Variants in FZD9 observed in about 807,000 individuals in gnomAD.
The protein encoded by FZD9 is frizzled-9.
Under a neutral mutation model 29.9 loss-of-function variants are expected in FZD9, and 29 were observed. The observed-to-expected ratio is 0.97, with a 90% CI of 0.72 to 1.32. FZD9 has a LOEUF of 1.32. Ranked by LOEUF, FZD9 falls within the 40% of genes most tolerant of loss-of-function variation. The probability of loss-of-function intolerance (pLI) is 0.00; values close to 1 mark genes in which losing one functional copy is unlikely to be tolerated. For synonymous variants in FZD9, 384 were observed against 393.9 expected (o/e 0.97, Z 0.30); for missense variants, 822 against 857.8 (o/e 0.96, Z 0.52).
chr7:73,436,048 G>T lies in FZD9; in HGVS notation c.*265G>T. On this transcript the variant is annotated 3_prime_UTR_variant, in exon 1 of 1. Coordinates refer to ENST00000344575, the MANE Select transcript of FZD9 (RefSeq NM_003508.3). ...GGGGCGGGGCAGAGGGGTCCAGCCG[G>T]AGTTTATTTAATGATGTAATTTATT... 2.3e-6 allele frequency: 1 copy of T among 430,354 alleles called. No individual in the cohort carries two copies. The highest frequency in any genetic ancestry group is 6.7e-5 in the South Asian group (1 of 14,956). The allele number at this position is 430,354 out of a possible 1,614,324, so 26.7% of individuals were successfully genotyped here.
chr7:73,435,963 C>T lies in FZD9; in HGVS notation c.*180C>T, dbSNP rs1289955963. 5.3e-6 allele frequency: 4 copies of T among 759,730 alleles called. No homozygotes were observed. The highest frequency in any genetic ancestry group is 6.2e-6 in the Non-Finnish European group (3 of 481,036). 47.1% of individuals were successfully genotyped at this position (759,730 alleles called of 1,614,324 possible). On this transcript the variant is annotated 3_prime_UTR_variant, in exon 1 of 1. Transcript: ENST00000344575. ...GGCTCATTAGGGGAGATGGGGGTCT[C>T]CCCTAATGCGGGGGCTGGACCAGGC...
Position 73,435,823 on chromosome 7 carries a change from T to G in FZD9, c.*40T>G, listed in dbSNP as rs781911666. On this transcript the variant is annotated 3_prime_UTR_variant, in exon 1 of 1. Coordinates refer to ENST00000344575, the MANE Select transcript of FZD9 (RefSeq NM_003508.3). ...CGCGGGGTGGCTGCTGCCCCCTCCTTGCCCTCCACGCCCTGCCCCCTGCAT... is the reference window on the plus strand; with the variant it reads ...CGCGGGGTGGCTGCTGCCCCCTCCTGGCCCTCCACGCCCTGCCCCCTGCAT... The G allele has an allele frequency of 2.0e-6, 3 of 1,536,396 alleles. No individual in the cohort carries two copies. Among genetic ancestry groups the G allele is most frequent in the Middle Eastern group, 1.8e-4 (1 of 5,694 alleles).
rs1262235859 is a variant in FZD9, at chr7:73,435,973, G to A, written c.*190G>A. ...GGGAGATGGGGGTCTCCCCTAATGC[G>A]GGGGCTGGACCAGGCTGAGTCCCCA... On this transcript the variant is annotated 3_prime_UTR_variant, in exon 1 of 1. Coordinates refer to ENST00000344575, the MANE Select transcript of FZD9 (RefSeq NM_003508.3). 3 of 695,882 alleles carry A rather than the reference G, an allele frequency of 4.3e-6. No individual in the cohort carries two copies. The highest frequency in any genetic ancestry group is 3.4e-5 in the Admixed American group (1 of 29,638). 43.1% of individuals were successfully genotyped at this position (695,882 alleles called of 1,614,324 possible). A position where few individuals can be genotyped will look rare whatever the true frequency, so the allele number is the denominator to read the frequency against.
chr7:73,434,610 G>T lies in FZD9; in HGVS notation c.603G>T (p.Lys201Asn), dbSNP rs782795346. ...GGSGTCENPE[K>N]FQYVEKSRSC... is the part of the protein sequence containing the mutation. The stretch of plus-strand genomic sequence containing the variant: ...GTGGCACCTGCGAGAACCCCGAGAA[G>T]TTCCAGTACGTGGAGAAGAGCCGCT... Residue 201 changes from lysine (K) to asparagine (N), a missense_variant, in exon 1 of 1, where the codon AAG becomes AAT. Coordinates refer to ENST00000344575, the MANE Select transcript of FZD9 (RefSeq NM_003508.3). The T allele has an allele frequency of 1.9e-6, 3 of 1,573,280 alleles. No homozygotes were observed. The highest frequency in any genetic ancestry group is 2.6e-6 in the Non-Finnish European group (3 of 1,165,996).
rs1235901133 is a variant in FZD9, at chr7:73,436,099, T to C, written c.*316T>C. ...GTTGCGTTCCTCTGGAAGCTGTGACTGGAATAAACCCCCGCGTGGCACTGC... is the reference window on the plus strand; with the variant it reads ...GTTGCGTTCCTCTGGAAGCTGTGACCGGAATAAACCCCCGCGTGGCACTGC... On this transcript the variant is annotated 3_prime_UTR_variant, in exon 1 of 1. Transcript: ENST00000344575. 3.5e-6 allele frequency: 1 copy of C among 284,008 alleles called. No individual in the cohort carries two copies. The highest frequency in any genetic ancestry group is 2.2e-5 in the African/African-American group (1 of 45,186). 17.6% of individuals were successfully genotyped at this position (284,008 alleles called of 1,614,324 possible).
At position 73,435,662 on chromosome 7, in the gene FZD9, C is replaced by CCT; in HGVS notation, c.1656_1657insTC (p.Lys553SerfsTer27). On this transcript the variant is annotated frameshift_variant, in exon 1 of 1. Coordinates refer to ENST00000344575, the MANE Select transcript of FZD9 (RefSeq NM_003508.3). LOFTEE classifies it high-confidence loss of function. ...AAGATAGCAGCTGGCCGGGCCCGGG[C>CCT]CAAGGCCTGCCGCGCCCCCGGGAGC... is the stretch of plus-strand genomic sequence containing the variant. The CCT allele has an allele frequency of 6.2e-7, 1 of 1,613,100 alleles. No individual in the cohort carries two copies.
Position 73,434,057 on chromosome 7 carries a change from C to A in FZD9, c.50C>A (p.Ala17Glu). 2 of 1,268,644 alleles carry A rather than the reference C, an allele frequency of 1.6e-6. No homozygotes were observed. Among genetic ancestry groups the A allele is most frequent in the South Asian group, 3.0e-5 (1 of 33,276 alleles). The allele number at this position is 1,268,644 out of a possible 1,614,324, so 78.6% of individuals were successfully genotyped here. A position where few individuals can be genotyped will look rare whatever the true frequency, so the allele number is the denominator to read the frequency against. Residue 17 changes from alanine (A) to glutamate (E), a missense_variant, in exon 1 of 1, where the codon GCG (alanine) becomes GAG (glutamate). By Grantham distance (107) the Ala-to-Glu change is moderately radical. Transcript: ENST00000344575. Reference sequence around the variant, plus strand: ...GCGCTGCTGCTGTGGCAGCTGCTGGCGGCGGGCGGCGCGGCACTGGAGATC... The same window carrying A: ...GCGCTGCTGCTGTGGCAGCTGCTGGAGGCGGGCGGCGCGGCACTGGAGATC... The part of the protein sequence containing the change: ...RGALLLWQLL[A>E]AGGAALEIGR...
In FZD9 at chr7:73,434,947, A is replaced by T. The variant is rs781980067; in HGVS notation, c.940A>T (p.Thr314Ser). 1.9e-6 allele frequency: 3 copies of T among 1,614,026 alleles called. No individual in the cohort carries two copies. The East Asian group carries it at 6.7e-5, about 36-fold the overall frequency. ...IQEGLENTGC[T>S]LVFLLLYYFG... ...GGAGGGCCTGGAGAACACGGGCTGCACGCTGGTCTTCCTACTGCTCTACTA... is the reference window on the plus strand; with the variant it reads ...GGAGGGCCTGGAGAACACGGGCTGCTCGCTGGTCTTCCTACTGCTCTACTA... Residue 314 changes from threonine to serine, a missense_variant, in exon 1 of 1, where the codon ACG becomes TCG. By Grantham distance (58) the Thr-to-Ser change is moderately conservative. Coordinates refer to ENST00000344575, the MANE Select transcript of FZD9 (RefSeq NM_003508.3).
In FZD9 at chr7:73,434,240, C is replaced by T; in HGVS notation, c.233C>T (p.Pro78Leu). Residue 78 changes from proline to leucine, a missense_variant, in exon 1 of 1, where the codon CCG (proline) becomes CTG (leucine). By Grantham distance (98) the Pro-to-Leu change is moderately conservative. Transcript: ENST00000344575. ...GCTGCCGAGCTAGCGGAGTTCGCGC[C>T]GCTGGTGCAGTACGGCTGCCACAGC... is the stretch of plus-strand genomic sequence containing the variant. ...EAAAELAEFA[P>L]LVQYGCHSHL... 6.3e-7 allele frequency: 1 copy of T among 1,584,086 alleles called. No individual in the cohort carries two copies. Among genetic ancestry groups the T allele is most frequent in the Non-Finnish European group, 8.5e-7 (1 of 1,172,140 alleles).
At position 73,434,110 on chromosome 7, in the gene FZD9, G is replaced by C. The variant is rs1333375420; in HGVS notation, c.103G>C (p.Gly35Arg). The C allele has an allele frequency of 4.9e-6, 7 of 1,429,046 alleles. No individual in the cohort carries two copies. The highest frequency in any genetic ancestry group is 2.5e-4 in the Middle Eastern group (1 of 4,050). 88.5% of individuals were successfully genotyped at this position (1,429,046 alleles called of 1,614,324 possible). ...CCGCTTCGACCCGGAGCGCGGGCGC[G>C]GGGCTGCGCCGTGCCAGGCGGTGGA... The part of the protein sequence containing the change: ...IGRFDPERGR[G>R]AAPCQAVEIP... Residue 35 changes from glycine (G) to arginine (R), a missense_variant, in exon 1 of 1, where the codon GGG (glycine) becomes CGG (arginine). Physicochemically the swap from Gly to Arg is moderately radical, Grantham distance 125. Coordinates refer to ENST00000344575, the MANE Select transcript of FZD9 (RefSeq NM_003508.3).
rs202012985 is a variant in FZD9, at chr7:73,434,439, G to A, written c.432G>A (p.Thr144=). The A allele has an allele frequency of 3.9e-6, 6 of 1,551,510 alleles. No homozygotes were observed. The Admixed American group carries it at 9.4e-5, about 24-fold the overall frequency. ...CGCTCGACTGCGCCCGGCTGCCCAC[G>A]CGCAACGACCCGCACGCGCTGTGCA... ...PDSLDCARLP[T]RNDPHALCME... The change falls in exon 1 of 1, where the codon ACG becomes ACA. Residue 144 remains threonine (T), a synonymous_variant. Coordinates refer to ENST00000344575, the MANE Select transcript of FZD9 (RefSeq NM_003508.3).
chr7:73,435,012 G>A lies in FZD9; in HGVS notation c.1005G>A (p.Thr335=), dbSNP rs1554563499. The A allele has an allele frequency of 6.2e-7, 1 of 1,613,984 alleles. No individual in the cohort carries two copies. Among genetic ancestry groups the A allele is most frequent in the East Asian group, 2.2e-5 (1 of 44,886 alleles). ...MASSLWWVVL[T]LTWFLAAGKK... Reference sequence around the variant, plus strand: ...GCTCGCTCTGGTGGGTGGTCCTGACGCTCACCTGGTTCCTGGCTGCCGGGA... The same window carrying A: ...GCTCGCTCTGGTGGGTGGTCCTGACACTCACCTGGTTCCTGGCTGCCGGGA... The change falls in exon 1 of 1, where the codon ACG becomes ACA. Residue 335 remains threonine, a synonymous_variant. Coordinates refer to ENST00000344575, the MANE Select transcript of FZD9 (RefSeq NM_003508.3).
chr7:73,434,218 G>A lies in FZD9; in HGVS notation c.211G>A (p.Ala71Thr). The change falls in exon 1 of 1, where the codon GCC (alanine) becomes ACC (threonine). Residue 71 changes from alanine (A) to threonine (T), a missense_variant. Ala to Thr is a moderately conservative substitution (Grantham distance 58). Transcript: ENST00000344575. ...CCACACGTCGCAGGGCGAGGCGGCT[G>A]CCGAGCTAGCGGAGTTCGCGCCGCT... ...LGHTSQGEAA[A>T]ELAEFAPLVQ... The A allele has an allele frequency of 1.9e-6, 3 of 1,575,818 alleles. No individual in the cohort carries two copies. The highest frequency in any genetic ancestry group is 2.6e-6 in the Non-Finnish European group (3 of 1,168,346).
In FZD9 at chr7:73,435,848, T is replaced by C. The variant is rs1178947; in HGVS notation, c.*65T>C. The C allele has an allele frequency of 0.2, 301,147 of 1,514,556 alleles. 32,669 individuals carry two copies. Among genetic ancestry groups the C allele is most frequent in the African/African-American group, 0.4 (28,922 of 71,766 alleles). The allele number at this position is 1,514,556 out of a possible 1,614,324, so 93.8% of individuals were successfully genotyped here. A position where few individuals can be genotyped will look rare whatever the true frequency, so the allele number is the denominator to read the frequency against. On this transcript the variant is annotated 3_prime_UTR_variant, in exon 1 of 1. Coordinates refer to ENST00000344575, the MANE Select transcript of FZD9 (RefSeq NM_003508.3). ...TGCCCTCCACGCCCTGCCCCCTGCA[T>C]CCCCTAGAGACAGCTGACTAGCAGC...
At position 73,435,861 on chromosome 7, in the gene FZD9, G is replaced by C; in HGVS notation, c.*78G>C. ...CTGCCCCCTGCATCCCCTAGAGACA[G>C]CTGACTAGCAGCTGCCCAGCTGTCA... On this transcript the variant is annotated 3_prime_UTR_variant, in exon 1 of 1. Transcript: ENST00000344575. The C allele has an allele frequency of 6.7e-7, 1 of 1,502,792 alleles. No homozygotes were observed. Among genetic ancestry groups the C allele is most frequent in the Non-Finnish European group, 8.9e-7 (1 of 1,121,774 alleles). The allele number at this position is 1,502,792 out of a possible 1,614,324, so 93.1% of individuals were successfully genotyped here. A position where few individuals can be genotyped will look rare whatever the true frequency, so the allele number is the denominator to read the frequency against.
rs1189604838 is a variant in FZD9 at position 73,435,363 on chromosome 7, C to A, written c.1356C>A (p.Ser452=). 6.2e-7 allele frequency: 1 copy of A among 1,613,778 alleles called. No individual in the cohort carries two copies. The highest frequency in any genetic ancestry group is 8.5e-7 in the Non-Finnish European group (1 of 1,179,938). The change falls in exon 1 of 1, where the codon TCC becomes TCA. Residue 452 remains serine (S), a synonymous_variant. Coordinates refer to ENST00000344575, the MANE Select transcript of FZD9 (RefSeq NM_003508.3). ...TCATGGTCAAGATCGGGGTCTTCTC[C>A]ATCCTCTACACGGTGCCCGCCACCT... is the stretch of plus-strand genomic sequence containing the variant. The part of the protein sequence containing the change: ...EKLMVKIGVF[S]ILYTVPATCV...
In FZD9 at chr7:73,434,855, TC is replaced by T. The variant is rs1487435648; in HGVS notation, c.850del (p.Arg284ValfsTer20). ...CYNVYSLAFL[I>X]RAVAGAQSVA... ...AACGTCTACTCGCTGGCCTTCCTGA[TC>T]CGTGCGGTGGCCGGAGCGCAGAGCG... On this transcript the variant is annotated frameshift_variant, in exon 1 of 1. Transcript: ENST00000344575. LOFTEE classifies it high-confidence loss of function. The T allele has an allele frequency of 3.7e-6, 6 of 1,613,366 alleles. No homozygotes were observed. In the Admixed American group the frequency reaches 1.0e-4, roughly 27 times the overall value.
At position 73,434,874 on chromosome 7, in the gene FZD9, G is replaced by C; in HGVS notation, c.867G>C (p.Ala289=). The part of the protein sequence containing the change: ...LAFLIRAVAG[A]QSVACDQEAG... ...TCCTGATCCGTGCGGTGGCCGGAGC[G>C]CAGAGCGTGGCCTGTGACCAGGAGG... The change falls in exon 1 of 1, where the codon GCG becomes GCC. Residue 289 remains alanine (A), a synonymous_variant. Transcript: ENST00000344575. 1 of 1,613,408 alleles carries C rather than the reference G, an allele frequency of 6.2e-7. No individual in the cohort carries two copies. The highest frequency in any genetic ancestry group is 8.5e-7 in the Non-Finnish European group (1 of 1,179,982).
In FZD9 at chr7:73,435,137, G is replaced by T. The variant is rs373485212; in HGVS notation, c.1130G>T (p.Arg377Leu). The change falls in exon 1 of 1, where the codon CGC (arginine) becomes CTC (leucine). Residue 377 changes from arginine to leucine, a missense_variant. Transcript: ENST00000344575. ...AAGACCATCGTCATCCTGACCCTGC[G>T]CAAGGTGGCGGGTGATGAGCTGACT... ...ALKTIVILTL[R>L]KVAGDELTGL... The T allele has an allele frequency of 1.9e-6, 3 of 1,612,024 alleles. No individual in the cohort carries two copies. The highest frequency in any genetic ancestry group is 2.5e-6 in the Non-Finnish European group (3 of 1,179,458).
Sources: gnomAD v4.1 joint callset for allele counts on GRCh38, gnomAD v4.1.1 for gene constraint, MANE v1.5 for transcripts, NCBI Gene and HGNC (gene_info 2026-07-23, HGNC 2026-07-21) for gene names.